Variants in RNLS observed in about 807,000 individuals in gnomAD.
RNLS encodes the protein renalase, FAD dependent amine oxidase, also known as renalase.
RNLS carries 39 observed loss-of-function variants against 39.8 expected under a neutral mutation model. The ratio of observed to expected loss-of-function variants is 0.98; its 90% CI spans 0.76 to 1.28. RNLS has a LOEUF of 1.28. Ranked by LOEUF, RNLS falls within the 50% of genes most tolerant of loss-of-function variation. RNLS has a pLI of 0.00. For synonymous variants in RNLS, 147 were observed against 150.7 expected (o/e 0.98, Z 0.18); for missense variants, 410 against 413.3 (o/e 0.99, Z 0.07).
chr10:88,459,100 T>A (rs1466425562), intron 4 of RNLS, among the ~76,000 whole-genome samples: 1 of 102,688 alleles, frequency 9.7e-6, no homozygotes, highest in Non-Finnish European at 1.9e-5. Context: ...CTTTTTCTTT[T>A]TTCTTTTTTT....
At chr10:88,370,465 C>T (rs972495198) in intron 4 of RNLS, among the ~76,000 whole-genome samples, 1 of 152,140 alleles carries the variant, frequency 6.6e-6, no homozygotes, top group African/African-American at 2.4e-5. Context: ...CGCTAATTTC[C>T]TGATTTACCA....
intron 5 of RNLS, among the ~76,000 whole-genome samples, chr10:88,323,627 G>T (rs1481182635): frequency 6.6e-6 from 1 of 152,110 alleles, no homozygotes; most frequent in Non-Finnish European, 1.5e-5. Context: ...ATACTTAAAT[G>T]TAAGACCTGC....
intron 5 of RNLS, among the ~76,000 whole-genome samples, chr10:88,330,092 A>AT (rs750773423): frequency 2.0e-4 from 27 of 138,246 alleles, no homozygotes; most frequent in East Asian, 4.1e-4. Context: ...TATATATATA[A>AT]ATATAAATAT....
chr10:88,203,319 T>C, the RNLS span, among the ~76,000 whole-genome samples: 1 of 6,916 alleles, frequency 1.4e-4, no homozygotes, highest in African/African-American at 1.1e-3. Flanking sequence ...TATACGTATG[T>C]ATATATATAT....
chr10:88,496,384 C>A (rs1845177479), intron 4 of RNLS, among the ~76,000 whole-genome samples: 1 of 152,142 alleles, frequency 6.6e-6, no homozygotes, highest in South Asian at 2.1e-4. Context: ...AAACCCAGTG[C>A]ACGCTTCAGG....
downstream of RNLS, among the ~76,000 whole-genome samples, chr10:88,270,322 C>T (rs114905665): frequency 5.5e-4 from 83 of 152,258 alleles, no homozygotes; most frequent in African/African-American, 1.8e-3. Context: ...GTGGTGTCTC[C>T]TGGCTGCTCT....
At position 88,558,108 on chromosome 10, in the gene RNLS, T is replaced by A. The variant is rs977446927; in HGVS notation, c.526+14795A>T. ...CAGCATGTGTATGAGAACAAAACTA[T>A]GAAAATATTTACATCATGATGCGTT... On this transcript the variant is annotated intron_variant, in intron 4 of 6. Transcript: ENST00000331772. Among the ~76,000 whole-genome samples the A allele has an allele frequency of 4.6e-5, 7 of 152,110 alleles. No homozygotes were observed. The East Asian group carries it at 9.6e-4, about 21-fold the overall frequency.
chr10:88,210,444 A>C, the RNLS span, among the ~76,000 whole-genome samples: 1 of 152,170 alleles, frequency 6.6e-6, no homozygotes, highest in East Asian at 1.9e-4. Context: ...TTGACTCTGA[A>C]TGCAGAGCGA....
At chr10:88,252,730 G>C in the RNLS span, among the ~76,000 whole-genome samples, 1 of 152,190 alleles carries the variant, frequency 6.6e-6, no homozygotes, top group Admixed American at 6.5e-5. Context: ...ACCTTGAGCA[G>C]GGCTGAAGCT....
chr10:88,362,794 A>C (rs1849744337), intron 4 of RNLS, 69 bp from the exon 5 acceptor site: 2 of 1,449,688 alleles, frequency 1.4e-6, no homozygotes, highest in East Asian at 4.8e-5. Context: ...ATCAAATATA[A>C]AATTCCTTTA....
At chr10:88,374,258 C>A (rs1340857277) in intron 4 of RNLS, among the ~76,000 whole-genome samples, 1 of 152,010 alleles carries the variant, frequency 6.6e-6, no homozygotes, top group Non-Finnish European at 1.5e-5. Context: ...TATTTCATAA[C>A]CTCAAGGTGT....
At chr10:88,278,232 C>T (rs1842882628) in intron 6 of RNLS, among the ~76,000 whole-genome samples, 2 of 151,384 alleles carry the variant, frequency 1.3e-5, no homozygotes, top group South Asian at 4.2e-4. Flanking sequence ...TTTTTTTTTT[C>T]TCCACAACGG....
At chr10:88,447,717 AG>A (rs1261138605) in intron 4 of RNLS, among the ~76,000 whole-genome samples, 14 of 152,344 alleles carry the variant, frequency 9.2e-5, no homozygotes, top group South Asian at 8.3e-4. Flanking sequence ...CCTAAGCCAA[AG>A]AACAAAGCTG....
chr10:88,236,459 C>A, the RNLS span, among the ~76,000 whole-genome samples: 172 of 152,264 alleles, frequency 1.1e-3, no homozygotes, highest in Non-Finnish European at 1.9e-3. Flanking sequence ...AGAGGTTCTT[C>A]AACCTACAAG....
chr10:88,360,260 C>T (rs1290291366), intron 5 of RNLS, among the ~76,000 whole-genome samples: 1 of 152,076 alleles, frequency 6.6e-6, no homozygotes, highest in Non-Finnish European at 1.5e-5. Context: ...GAAAGATGAC[C>T]CTAGTACCAG....
chr10:88,574,580 C>T (rs2225016), intron 3 of RNLS, among the ~76,000 whole-genome samples: 2,861 of 152,288 alleles, frequency 0.019, 80 homozygotes, highest in South Asian at 0.07. Context: ...CATACACTTT[C>T]ATCTCTTTCA....
At chr10:88,376,208 A>G (rs983767791) in intron 4 of RNLS, among the ~76,000 whole-genome samples, 7 of 152,104 alleles carry the variant, frequency 4.6e-5, no homozygotes, top group Admixed American at 1.3e-4. Flanking sequence ...GCTCAGAGGA[A>G]GCCTCTGCCG....
intron 4 of RNLS, among the ~76,000 whole-genome samples, chr10:88,364,313 G>A (rs1849876144): frequency 6.6e-6 from 1 of 152,146 alleles, no homozygotes; most frequent in African/African-American, 2.4e-5. Context: ...AGTGGCTTTA[G>A]GAGGTAGAGA....
chr10:88,266,559 T>C, the RNLS span, among the ~76,000 whole-genome samples: 1 of 152,190 alleles, frequency 6.6e-6, no homozygotes, highest in Non-Finnish European at 1.5e-5. Flanking sequence ...TTATTCTCTT[T>C]TGACCAAGCC....
Sources: gnomAD v4.1 joint callset for allele counts (sites outside exome capture counted in the v4.1 genomes callset) on GRCh38, gnomAD v4.1.1 for gene constraint, MANE v1.5 for transcripts, NCBI Gene and HGNC (gene_info 2026-07-23, HGNC 2026-07-21) for gene names.